NLGN4X: variants seen among roughly 807,000 people sequenced by gnomAD.
NLGN4X encodes neuroligin 4 X-linked.
In NLGN4X, 3 loss-of-function variants were observed where a neutral mutation model predicts 40.3. That is an observed-to-expected ratio of 0.07 (90% CI 0.03 to 0.19). NLGN4X has a LOEUF of 0.19. NLGN4X is among the 10% of genes least tolerant of loss of function. The probability of loss-of-function intolerance (pLI) is 1.00; values close to 1 mark genes in which losing one functional copy is unlikely to be tolerated. For missense variants in NLGN4X, 382 were observed against 708.3 expected (o/e 0.54, Z 5.23); for synonymous variants, 270 against 306.8 (o/e 0.88, Z 1.25).
intron 1 of NLGN4X, among the ~76,000 whole-genome samples, chrX:6,223,046 C>T (rs187594243): frequency 1.8e-3 from 197 of 110,784 alleles, no homozygotes; most frequent in African/African-American, 6.0e-3. Context: ...TGGATTAATA[C>T]ACCTCATCTC....
chrX:5,895,758 C>T (rs1222500258), intron 5 of NLGN4X, among the ~76,000 whole-genome samples: 1 of 111,028 alleles, frequency 9.0e-6, no homozygotes, highest in East Asian at 2.8e-4. Flanking sequence ...TATATATAAT[C>T]TCATAGGTTC....
intron 3 of NLGN4X, among the ~76,000 whole-genome samples, chrX:5,994,494 C>T (rs368183805): frequency 1.3e-4 from 14 of 111,985 alleles, no homozygotes; most frequent in African/African-American, 3.9e-4. Context: ...AAGGAATATG[C>T]ATCCCTCAAA....
intron 2 of NLGN4X, among the ~76,000 whole-genome samples, chrX:6,089,614 G>C (rs2038587129): frequency 8.9e-6 from 1 of 112,430 alleles, no homozygotes; most frequent in South Asian, 3.6e-4. Flanking sequence ...AAGTTAGTGT[G>C]GAGAAGGGAT....
In NLGN4X at chrX:6,196,698, T is replaced by C. The variant is rs1169069998; in HGVS notation, c.-306+31843A>G. On this transcript the variant is annotated intron_variant, in intron 1 of 5. Transcript: ENST00000381095. ...GTTGCTGCCCTTGAGGTCAGGAATG[T>C]TTCCATGCATCCTGCAGGCCTCGGT... Among the ~76,000 whole-genome samples the C allele has an allele frequency of 2.0e-4, 22 of 110,778 alleles. 1 individual carries two copies. In the Admixed American group the frequency reaches 2.1e-3, roughly 11 times the overall value.
intron 2 of NLGN4X, among the ~76,000 whole-genome samples, chrX:6,034,226 T>G (rs1479758160): frequency 1.8e-5 from 2 of 112,469 alleles, no homozygotes; most frequent in Non-Finnish European, 3.8e-5. Flanking sequence ...TTCATATAAA[T>G]GAACTCATAT....
intron 3 of NLGN4X, among the ~76,000 whole-genome samples, chrX:6,008,663 T>C (rs745850062): frequency 8.9e-6 from 1 of 112,016 alleles, no homozygotes; most frequent in African/African-American, 3.2e-5. Context: ...ACAGATACCA[T>C]AATGTTTTAT....
intron 3 of NLGN4X, among the ~76,000 whole-genome samples, chrX:5,967,051 T>A (rs1420023094): frequency 1.8e-5 from 2 of 111,691 alleles, no homozygotes; most frequent in African/African-American, 6.5e-5. Flanking sequence ...GCAATAAAGA[T>A]CCTTATCAGG....
chrX:6,219,362 CTTTT>C (rs1324776261), intron 1 of NLGN4X, among the ~76,000 whole-genome samples: 18 of 90,390 alleles, frequency 2.0e-4, no homozygotes, highest in African/African-American at 6.9e-4. Context: ...TTCCTTCCTT[CTTTT>C]TCTCTTCTTT....
At position 5,899,833 on chromosome X, in the gene NLGN4X, G is replaced by A. The variant is rs189419050; in HGVS notation, c.1601+3244C>T. ...TTTAATGGTTCCATAAAATGTATGA[G>A]GAATGATTCTAGCTTTCCACTTAAG... is the stretch of plus-strand genomic sequence containing the variant. On this transcript the variant is annotated intron_variant, in intron 5 of 5. Coordinates refer to ENST00000381095, the MANE Select transcript of NLGN4X (RefSeq NM_181332.3). Among the ~76,000 whole-genome samples, 260 of 110,972 alleles carry A rather than the reference G, an allele frequency of 2.3e-3. 1 individual carries two copies. Among genetic ancestry groups the A allele is most frequent in the African/African-American group, 8.1e-3 (246 of 30,485 alleles).
At position 6,138,961 on chromosome X, in the gene NLGN4X, A is replaced by G. The variant is rs113144605; in HGVS notation, c.472+12034T>C. Among the ~76,000 whole-genome samples the G allele has an allele frequency of 4.7e-3, 525 of 111,757 alleles. 2 individuals are homozygous for G. Among genetic ancestry groups the G allele is most frequent in the Non-Finnish European group, 6.8e-3 (362 of 53,131 alleles). ...ATGTGCGATGGTGAAATTTGTTCTC[A>G]TTATTATCTGATTTTAGCTCAAAAT... On this transcript the variant is annotated intron_variant, in intron 2 of 5. Transcript: ENST00000381095.
intron 2 of NLGN4X, among the ~76,000 whole-genome samples, chrX:6,115,547 T>C (rs1034311099): frequency 9.0e-6 from 1 of 111,628 alleles, no homozygotes; most frequent in Non-Finnish European, 1.9e-5. Context: ...GAAGGTAAAG[T>C]TGGCATGGTA....
chrX:6,095,117 G>A (rs1452793102), intron 2 of NLGN4X, among the ~76,000 whole-genome samples: 1 of 92,063 alleles, frequency 1.1e-5, no homozygotes, highest in Admixed American at 1.1e-4. Context: ...GTGTGTGTGT[G>A]TGTGTGTGTG....
At chrX:6,154,779 T>C (rs1488548721) in intron 1 of NLGN4X, among the ~76,000 whole-genome samples, 1 of 111,899 alleles carries the variant, frequency 8.9e-6, no homozygotes, top group Non-Finnish European at 1.9e-5. Flanking sequence ...CTGCATAAAA[T>C]AATAATATCT....
intron 1 of NLGN4X, among the ~76,000 whole-genome samples, chrX:6,165,691 T>G (rs970237849): frequency 5.4e-5 from 6 of 111,518 alleles, no homozygotes; most frequent in African/African-American, 2.0e-4. Flanking sequence ...AAATTCCTAC[T>G]ACACATGCAG....
intron 3 of NLGN4X, among the ~76,000 whole-genome samples, chrX:5,926,857 TAG>T (rs1488287328): frequency 9.1e-6 from 1 of 109,321 alleles, no homozygotes; most frequent in South Asian, 4.0e-4. Flanking sequence ...ATCATTTGTC[TAG>T]AGAGAGAGAA....
intron 1 of NLGN4X, among the ~76,000 whole-genome samples, chrX:6,222,808 A>G (rs1213901018): frequency 1.8e-5 from 2 of 112,215 alleles, no homozygotes; most frequent in African/African-American, 6.5e-5. Flanking sequence ...TATGATAGTG[A>G]GTAAGTTCTC....
intron 1 of NLGN4X, among the ~76,000 whole-genome samples, chrX:6,209,419 C>T (rs1924360046): frequency 9.0e-6 from 1 of 110,969 alleles, no homozygotes; most frequent in Non-Finnish European, 1.9e-5. Flanking sequence ...ATACAACGGG[C>T]ACCTAGAAGC....
intron 2 of NLGN4X, among the ~76,000 whole-genome samples, chrX:6,104,019 C>T (rs2038979879): frequency 9.0e-6 from 1 of 111,706 alleles, no homozygotes; most frequent in African/African-American, 3.3e-5. Flanking sequence ...CATAAGTGTG[C>T]ATGCATTGTG....
At chrX:5,953,087 T>C (rs768382032) in intron 3 of NLGN4X, among the ~76,000 whole-genome samples, 4 of 111,124 alleles carry the variant, frequency 3.6e-5, no homozygotes, top group Non-Finnish European at 7.5e-5. Context: ...CAAAAATTCC[T>C]ATCAGCCGGG....
Sources: allele counts gnomAD v4.1 joint callset (sites outside exome capture counted in the v4.1 genomes callset), GRCh38; gene constraint gnomAD v4.1.1; transcripts MANE v1.5; gene names NCBI Gene and HGNC (gene_info 2026-07-23, HGNC 2026-07-21).